Variants in GEMIN2 observed in about 807,000 individuals in gnomAD.
GEMIN2 encodes gem-associated protein 2.
Under a neutral mutation model 45.8 loss-of-function variants are expected in GEMIN2, and 37 were observed. The ratio of observed to expected loss-of-function variants is 0.81; its 90% CI spans 0.62 to 1.06. The LOEUF (loss-of-function observed/expected upper bound fraction) is 1.06, where lower values mean the gene tolerates loss of function less well. Ranked by LOEUF, GEMIN2 falls within the 50% of genes least tolerant of loss-of-function variation. The pLI, the probability that GEMIN2 is intolerant of heterozygous loss-of-function variation, is 0.00. For missense variants in GEMIN2, 335 were observed against 321.8 expected, an observed-to-expected ratio of 1.04 and a Z score of -0.31; for synonymous variants, 101 against 111.5, an observed-to-expected ratio of 0.91 and a Z score of 0.60.
At chr14:39,136,331 A>G in intron 9 of GEMIN2, 109 bp from the exon 10 acceptor site, 1 of 665,902 alleles carries the variant, frequency 1.5e-6, no homozygotes, top group South Asian at 1.8e-5. Flanking sequence ...TAGCTTATTT[A>G]ACCAGTTTCT....
intron 5 of GEMIN2, 24 bp downstream of exon 5, chr14:39,122,567 A>T: frequency 8.3e-7 from 1 of 1,202,898 alleles, no homozygotes; most frequent in East Asian, 2.4e-5. Context: ...GGATAAACAG[A>T]ACAAAAAGCA....
At chr14:39,125,078 T>C (rs770397372) in intron 6 of GEMIN2, 42 bp downstream of exon 6, 4 of 948,110 alleles carry the variant, frequency 4.2e-6, no homozygotes, top group African/African-American at 1.6e-5. Flanking sequence ...TTTGTTTGCA[T>C]TGTGTGTGAA....
chr14:39,125,136 A>G, intron 6 of GEMIN2, 100 bp downstream of exon 6: 1 of 675,096 alleles, frequency 1.5e-6, no homozygotes, highest in Non-Finnish European at 2.7e-6. Context: ...AGTATGCAAG[A>G]CTTTGTCCTA....
chr14:39,133,769 GT>G, intron 9 of GEMIN2, 50 bp downstream of exon 9: 1 of 993,364 alleles, frequency 1.0e-6, no homozygotes. Context: ...GGTCAGTGAG[GT>G]TAGATCGTAT....
In GEMIN2 at chr14:39,114,671, T is replaced by G. The variant is rs113309158; in HGVS notation, c.138-158T>G. Among the ~76,000 whole-genome samples, 2,175 of 152,338 alleles carry G rather than the reference T, an allele frequency of 0.014. 51 individuals are homozygous for G. The highest frequency in any genetic ancestry group is 0.049 in the African/African-American group (2,047 of 41,564). On this transcript the variant is annotated intron_variant, in intron 1 of 9. Transcript: ENST00000308317. ...TGTGTGCTCTTAGATTTGTTTTCAA[T>G]CCAGATAATTTCAGAAATACATTGT...
chr14:39,128,485 C>CTTTTTTTTTTTTCTTTTT, intron 7 of GEMIN2, 137 bp downstream of exon 7: 1 of 147,182 alleles, frequency 6.8e-6, no homozygotes. Context: ...TTTTTCTTTT[C>CTTTTTTTTTTTTCTTTTT]TTTTTTTTTT....
intron 6 of GEMIN2, among the ~76,000 whole-genome samples, chr14:39,127,298 C>T (rs1261398555): frequency 4.0e-5 from 6 of 149,120 alleles, no homozygotes; most frequent in African/African-American, 9.9e-5. Flanking sequence ...CCGTGTTGGC[C>T]AGGCTGGTCT....
intron 8 of GEMIN2, among the ~76,000 whole-genome samples, chr14:39,132,691 T>TA (rs887736255): frequency 1.4e-5 from 2 of 140,518 alleles, no homozygotes; most frequent in Middle Eastern, 3.3e-3. Flanking sequence ...TTTTTTCTTT[T>TA]ATTGTGAGAT....
At chr14:39,127,494 C>A (rs897644171) in intron 6 of GEMIN2, among the ~76,000 whole-genome samples, 1 of 151,862 alleles carries the variant, frequency 6.6e-6, no homozygotes, top group Non-Finnish European at 1.5e-5. Flanking sequence ...ATTCACTCAC[C>A]ACCATGCCCG....
At chr14:39,132,709 C>T (rs1276613866) in intron 8 of GEMIN2, among the ~76,000 whole-genome samples, 12 of 120,788 alleles carry the variant, frequency 9.9e-5, no homozygotes, top group East Asian at 2.7e-4. Flanking sequence ...GATGGAGTCT[C>T]GCTCTGTCAC....
intron 6 of GEMIN2, among the ~76,000 whole-genome samples, 167 bp downstream of exon 6, chr14:39,125,203 T>C (rs2052624404): frequency 1.3e-5 from 2 of 152,236 alleles, no homozygotes; most frequent in African/African-American, 2.4e-5. Flanking sequence ...AGAGTTATTA[T>C]TGATAACTAC....
chr14:39,128,125 A>G (rs2052668072), intron 6 of GEMIN2, among the ~76,000 whole-genome samples, 155 bp from the exon 7 acceptor site: 1 of 149,990 alleles, frequency 6.7e-6, no homozygotes, highest in Admixed American at 6.6e-5. Flanking sequence ...AATCAAACTA[A>G]TTAGAGTCAA....
chr14:39,120,608 GTTTTATTTTA>G (rs10559395), intron 4 of GEMIN2, among the ~76,000 whole-genome samples: 10 of 151,372 alleles, frequency 6.6e-5, no homozygotes, highest in South Asian at 2.1e-4. Context: ...TCATCGTGAG[GTTTTATTTTA>G]TTTTATTTTA....
At chr14:39,129,714 GTATTTATATTTA>G (rs141019954) in intron 7 of GEMIN2, among the ~76,000 whole-genome samples, 2 of 151,642 alleles carry the variant, frequency 1.3e-5, no homozygotes, top group African/African-American at 2.4e-5. Context: ...CACCCAGCCA[GTATTTATATTTA>G]TATTTATATT....
chr14:39,116,748 G>GGATT (rs369402413), intron 2 of GEMIN2, among the ~76,000 whole-genome samples: 1,598 of 152,052 alleles, frequency 0.011, 11 homozygotes, highest in Non-Finnish European at 0.016. Flanking sequence ...CTAATTTGAT[G>GGATT]GATTGATTGA....
intron 7 of GEMIN2, chr14:39,131,754 A>G (rs749832430): frequency 9.9e-5 from 43 of 436,516 alleles, no homozygotes; most frequent in Non-Finnish European, 1.5e-4. Flanking sequence ...GAGGTATCCA[A>G]TGTCCTGTGT....
chr14:39,136,352 C>T (rs1482831747), intron 9 of GEMIN2, 88 bp from the exon 10 acceptor site: 3 of 725,250 alleles, frequency 4.1e-6, no homozygotes, highest in Non-Finnish European at 7.4e-6. Flanking sequence ...TATTGATGGA[C>T]GTTTGGGTTG....
At chr14:39,123,875 C>T (rs2052608744) in intron 5 of GEMIN2, among the ~76,000 whole-genome samples, 1 of 150,134 alleles carries the variant, frequency 6.7e-6, no homozygotes, top group Admixed American at 6.7e-5. Flanking sequence ...CACCCACCAC[C>T]ACACCCAGCT....
chr14:39,124,607 C>T (rs1166002799), intron 5 of GEMIN2, among the ~76,000 whole-genome samples: 1 of 137,434 alleles, frequency 7.3e-6, no homozygotes, highest in Non-Finnish European at 1.7e-5. Context: ...CTCATCTCTA[C>T]CAAAAATACA....
Sources: gnomAD v4.1 joint callset for allele counts (sites outside exome capture counted in the v4.1 genomes callset) on GRCh38, gnomAD v4.1.1 for gene constraint, MANE v1.5 for transcripts, NCBI Gene and HGNC (gene_info 2026-07-23, HGNC 2026-07-21) for gene names.